The following SUPT3H variants were observed in gnomAD, a reference collection of about 807,000 sequenced individuals.
The protein encoded by SUPT3H is SPT3 homolog, SAGA and STAGA complex component.
In SUPT3H, 44 loss-of-function variants were observed where a neutral mutation model predicts 44.3. That is an observed-to-expected ratio of 0.99 (90% CI 0.78 to 1.28). SUPT3H has a LOEUF of 1.28. Ranked by LOEUF, SUPT3H falls within the 50% of genes most tolerant of loss-of-function variation. The pLI, the probability that SUPT3H is intolerant of heterozygous loss-of-function variation, is 0.00. For missense variants in SUPT3H, 380 were observed against 387.1 expected (o/e 0.98, Z 0.15); for synonymous variants, 124 against 125.6 (o/e 0.99, Z 0.09).
Position 45,357,403 on chromosome 6 carries a change from T to A in SUPT3H, c.101+7798A>T, listed in dbSNP as rs536088397. 5.3e-5 allele frequency among the ~76,000 whole-genome samples: 8 copies of A among 152,230 alleles called. No homozygotes were observed. In the South Asian group the frequency reaches 1.7e-3, roughly 32 times the overall value. On this transcript the variant is annotated intron_variant, in intron 2 of 10. Coordinates refer to ENST00000371459, the MANE Select transcript of SUPT3H (RefSeq NM_003599.4). ...TGGAGAACAGTGGCAGGATCATGGT[T>A]CACTGCAGCCGTAACCTCCTAGGTG...
At chr6:45,364,128 T>A (rs1487462722) in intron 2 of SUPT3H, among the ~76,000 whole-genome samples, 2 of 150,820 alleles carry the variant, frequency 1.3e-5, no homozygotes, top group African/African-American at 4.9e-5. Context: ...AAAAAAAAAA[T>A]TTAATAATAA....
chr6:45,123,451 G>A (rs1224308913), intron 2 of SUPT3H, among the ~76,000 whole-genome samples: 1 of 149,938 alleles, frequency 6.7e-6, no homozygotes, highest in Non-Finnish European at 1.5e-5. Context: ...ATGGCTCACT[G>A]AAGCCTCCAC....
intron 2 of SUPT3H, among the ~76,000 whole-genome samples, chr6:45,213,108 C>A (rs1265942129): frequency 6.6e-6 from 1 of 152,132 alleles, no homozygotes; most frequent in African/African-American, 2.4e-5. Flanking sequence ...GTTTGCCACA[C>A]AATTCAATTA....
intron 2 of SUPT3H, among the ~76,000 whole-genome samples, chr6:45,309,520 C>T (rs1188619105): frequency 1.3e-5 from 2 of 150,516 alleles, no homozygotes; most frequent in Non-Finnish European, 3.0e-5. Flanking sequence ...ATCAAAACAG[C>T]AAATATTTCG....
At chr6:44,879,473 A>T (rs12211922) in intron 10 of SUPT3H, among the ~76,000 whole-genome samples, 1 of 152,088 alleles carries the variant, frequency 6.6e-6, no homozygotes, top group Non-Finnish European at 1.5e-5. Flanking sequence ...CAGAGCATCT[A>T]GGGGAAGGGG....
intron 3 of SUPT3H, among the ~76,000 whole-genome samples, chr6:45,034,821 A>G (rs568311174): frequency 4.1e-4 from 63 of 152,308 alleles, no homozygotes; most frequent in Middle Eastern, 3.4e-3. Context: ...TATTTTACAG[A>G]TAAGAAATCT....
intron 2 of SUPT3H, among the ~76,000 whole-genome samples, chr6:45,163,487 C>T (rs937486933): frequency 3.9e-5 from 6 of 152,002 alleles, no homozygotes; most frequent in South Asian, 2.1e-4. Flanking sequence ...AAAAAACTTA[C>T]GTAAAAGCTG....
At chr6:45,197,644 T>C (rs562863441) in intron 2 of SUPT3H, 3 of 354,028 alleles carry the variant, frequency 8.5e-6, no homozygotes, top group Admixed American at 4.5e-5. Context: ...CAGAAAAAAA[T>C]TGACAATACT....
At chr6:45,182,216 C>T (rs1246497915) in intron 2 of SUPT3H, among the ~76,000 whole-genome samples, 2 of 152,092 alleles carry the variant, frequency 1.3e-5, no homozygotes, top group Admixed American at 1.3e-4. Context: ...TCCCATAGAG[C>T]TTATAGAGAA....
intron 2 of SUPT3H, among the ~76,000 whole-genome samples, chr6:45,152,767 C>G (rs1807154712): frequency 6.6e-6 from 1 of 152,174 alleles, no homozygotes; most frequent in Admixed American, 6.6e-5. Context: ...GCTGGGATTA[C>G]AGGCATGAGC....
chr6:44,908,485 C>G (rs1766479915), intron 10 of SUPT3H, among the ~76,000 whole-genome samples: 1 of 152,072 alleles, frequency 6.6e-6, no homozygotes, highest in Non-Finnish European at 1.5e-5. Flanking sequence ...ACACTGGGCA[C>G]TGAATCTCAA....
At chr6:45,145,549 T>C (rs1361625589) in intron 2 of SUPT3H, among the ~76,000 whole-genome samples, 1 of 152,074 alleles carries the variant, frequency 6.6e-6, no homozygotes, top group Non-Finnish European at 1.5e-5. Flanking sequence ...ATCTAAGACC[T>C]GAAAACATAA....
At chr6:45,211,938 C>T (rs927969847) in intron 2 of SUPT3H, among the ~76,000 whole-genome samples, 3 of 151,322 alleles carry the variant, frequency 2.0e-5, no homozygotes, top group Admixed American at 6.6e-5. Context: ...CTGAGGTGGG[C>T]GAATCACAGG....
intron 2 of SUPT3H, among the ~76,000 whole-genome samples, chr6:45,269,237 T>C (rs1775731943): frequency 6.6e-6 from 1 of 152,196 alleles, no homozygotes; most frequent in Non-Finnish European, 1.5e-5. Flanking sequence ...AATTAAATAG[T>C]TTCCTTACTG....
intron 2 of SUPT3H, among the ~76,000 whole-genome samples, chr6:45,112,271 A>C (rs1007844000): frequency 6.6e-6 from 1 of 152,014 alleles, no homozygotes; most frequent in South Asian, 2.1e-4. Context: ...AAGAAAAAGA[A>C]AAACATGTTA....
chr6:45,195,273 G>C (rs1006127403), intron 2 of SUPT3H, among the ~76,000 whole-genome samples: 1 of 152,136 alleles, frequency 6.6e-6, no homozygotes, highest in African/African-American at 2.4e-5. Flanking sequence ...GAAAAAGAGA[G>C]CAATGATCAG....
chr6:45,129,388 T>C (rs1803050681), intron 2 of SUPT3H, among the ~76,000 whole-genome samples: 1 of 152,240 alleles, frequency 6.6e-6, no homozygotes, highest in Admixed American at 6.5e-5. Context: ...TAGTATAGGA[T>C]ATTGAAGATC....
At chr6:45,330,095 A>G (rs1245970526) in intron 2 of SUPT3H, among the ~76,000 whole-genome samples, 1 of 151,898 alleles carries the variant, frequency 6.6e-6, no homozygotes, top group Non-Finnish European at 1.5e-5. Flanking sequence ...TTACAGGGTG[A>G]GGAAATGTAC....
chr6:44,840,423 G>C (rs570736184), intron 10 of SUPT3H, among the ~76,000 whole-genome samples: 27 of 152,324 alleles, frequency 1.8e-4, no homozygotes, highest in African/African-American at 6.5e-4. Context: ...TGGGAGGTGA[G>C]AGGAGGTAAG....
Sources: allele counts gnomAD v4.1 joint callset (sites outside exome capture counted in the v4.1 genomes callset), GRCh38; gene constraint gnomAD v4.1.1; transcripts MANE v1.5; gene names NCBI Gene and HGNC (gene_info 2026-07-23, HGNC 2026-07-21).